Variants in DYSF observed in about 807,000 individuals in gnomAD.
The protein encoded by DYSF is dysferlin, also known as dystrophy-associated fer-1-like 1.
Under a neutral mutation model 274.9 loss-of-function variants are expected in DYSF, and 212 were observed. That is an observed-to-expected ratio of 0.77 (90% CI 0.69 to 0.86). The LOEUF (loss-of-function observed/expected upper bound fraction) is 0.86, where lower values mean the gene tolerates loss of function less well. Ranked by LOEUF, DYSF falls within the 40% of genes least tolerant of loss-of-function variation. The pLI is 0.00. For missense variants in DYSF, 2,666 were observed against 2,783.2 expected, an observed-to-expected ratio of 0.96 and a Z score of 0.95; for synonymous variants, 1,091 against 1,078.7, an observed-to-expected ratio of 1.01 and a Z score of -0.22.
chr2:71,537,554 C>T (rs571881787), intron 16 of DYSF, among the ~76,000 whole-genome samples: 5 of 152,198 alleles, frequency 3.3e-5, no homozygotes, highest in African/African-American at 1.2e-4. Context: ...CTTTTCAGTT[C>T]TTATTAATAT....
chr2:71,478,662 G>A (rs1166112956), intron 1 of DYSF, among the ~76,000 whole-genome samples: 2 of 152,084 alleles, frequency 1.3e-5, no homozygotes, highest in Non-Finnish European at 2.9e-5. Context: ...CAGTGGGAGA[G>A]GGAGTTTGGG....
At chr2:71,551,842 C>A (rs1288677530) in intron 19 of DYSF, 122 bp downstream of exon 19, 4 of 735,808 alleles carry the variant, frequency 5.4e-6, no homozygotes, top group African/African-American at 3.5e-5. Context: ...CGCATCGTGC[C>A]TTTACCTCCC....
chr2:71,605,897 G>A (rs964586155), intron 36 of DYSF, among the ~76,000 whole-genome samples: 10 of 151,886 alleles, frequency 6.6e-5, no homozygotes, highest in South Asian at 2.1e-4. Flanking sequence ...TGTTCCTAAC[G>A]AGCTGGGTGG....
At chr2:71,664,833 T>C (rs1408686551) in intron 46 of DYSF, among the ~76,000 whole-genome samples, 2 of 152,238 alleles carry the variant, frequency 1.3e-5, no homozygotes, top group Admixed American at 6.5e-5. Flanking sequence ...GGGAATTTTG[T>C]GATGGTTTAT....
intron 23 of DYSF, 131 bp from the exon 24 acceptor site, chr2:71,563,927 A>C: frequency 7.7e-7 from 1 of 1,292,820 alleles, no homozygotes. Context: ...CAGGGTGGAC[A>C]GTGTGTGGGA....
chr2:71,675,219 T>C (rs1207950106), intron 52 of DYSF, among the ~76,000 whole-genome samples: 1 of 152,052 alleles, frequency 6.6e-6, no homozygotes, highest in Non-Finnish European at 1.5e-5. Flanking sequence ...GTTCTGGAAT[T>C]AGATGGTGGT....
At chr2:71,660,511 G>A (rs1203373048) in intron 44 of DYSF, 49 bp from the exon 45 acceptor site, 2 of 1,527,258 alleles carry the variant, frequency 1.3e-6, no homozygotes, top group Admixed American at 1.7e-5. Flanking sequence ...AAGCCTCAAA[G>A]ACAGGTTTGG....
intron 16 of DYSF, among the ~76,000 whole-genome samples, chr2:71,535,949 A>C (rs2152762164): frequency 6.6e-6 from 1 of 152,318 alleles, no homozygotes. Flanking sequence ...ATCAGTTCAC[A>C]GATGAGAAGG....
At chr2:71,470,172 C>T (rs1386038448) in intron 1 of DYSF, among the ~76,000 whole-genome samples, 1 of 152,200 alleles carries the variant, frequency 6.6e-6, no homozygotes, top group Non-Finnish European at 1.5e-5. Context: ...GGCGTCTCCT[C>T]CTCCAGCCTC....
chr2:71,625,231 C>G (rs1293946197), intron 41 of DYSF, among the ~76,000 whole-genome samples: 1 of 151,822 alleles, frequency 6.6e-6, no homozygotes, highest in African/African-American at 2.4e-5. Context: ...CACTTTATCT[C>G]TTTCTCTCTC....
At chr2:71,499,296 T>C (rs959299634) in intron 3 of DYSF, among the ~76,000 whole-genome samples, 3 of 152,264 alleles carry the variant, frequency 2.0e-5, no homozygotes, top group Non-Finnish European at 4.4e-5. Context: ...AGATTTTCCA[T>C]GTAAGTGAAT....
chr2:71,488,638 CT>C (rs2083552038), intron 3 of DYSF, among the ~76,000 whole-genome samples: 1 of 152,170 alleles, frequency 6.6e-6, no homozygotes, highest in Admixed American at 6.5e-5. Context: ...CCTGGTCACT[CT>C]ACCCTCCAGC....
At chr2:71,598,458 A>G (rs1348304699) in intron 32 of DYSF, 106 bp from the exon 33 acceptor site, 1 of 1,355,978 alleles carries the variant, frequency 7.4e-7, no homozygotes, top group African/African-American at 1.4e-5. Flanking sequence ...CCAGAGTGGC[A>G]GCCACAACCC....
At chr2:71,534,428 C>T (rs2089084559) in intron 14 of DYSF, among the ~76,000 whole-genome samples, 1 of 152,114 alleles carries the variant, frequency 6.6e-6, no homozygotes, top group South Asian at 2.1e-4. Flanking sequence ...GATCTGGTTT[C>T]CACTCCTGTG....
chr2:71,574,493 T>C (rs2152823447), intron 30 of DYSF, 122 bp downstream of exon 30: 2 of 1,215,836 alleles, frequency 1.6e-6, no homozygotes, highest in East Asian at 4.9e-5. Flanking sequence ...GAACGCTGGC[T>C]GGTCATCCTG....
chr2:71,670,360 G>A (rs2095097849), intron 51 of DYSF, among the ~76,000 whole-genome samples: 1 of 152,226 alleles, frequency 6.6e-6, no homozygotes, highest in Non-Finnish European at 1.5e-5. Context: ...GGGCAGTGGG[G>A]CAGACCCCAT....
intron 14 of DYSF, among the ~76,000 whole-genome samples, chr2:71,529,558 C>T (rs1222482841): frequency 2.0e-5 from 3 of 152,196 alleles, no homozygotes; most frequent in Admixed American, 1.3e-4. Flanking sequence ...CAACAGAGAG[C>T]CATAATGTCA....
intron 41 of DYSF, among the ~76,000 whole-genome samples, chr2:71,628,748 G>A (rs530740878): frequency 1.3e-5 from 2 of 152,058 alleles, no homozygotes; most frequent in East Asian, 3.9e-4. Flanking sequence ...TCAGGAGTTC[G>A]AGACCAACCT....
chr2:71,681,035 A>G lies in DYSF; in HGVS notation c.6098A>G (p.Glu2033Gly). The G allele has an allele frequency of 6.2e-7, 1 of 1,614,184 alleles. No homozygotes were observed. The highest frequency in any genetic ancestry group is 1.3e-5 in the African/African-American group (1 of 75,062). Residue 2033 changes from glutamate to glycine, a missense_variant, in exon 54 of 56, where the codon GAG (glutamate) becomes GGG (glycine). Coordinates refer to ENST00000410020, the MANE Select transcript of DYSF (RefSeq NM_001130987.2). ...GAAATGACCTTGGAGATTGTAGCAG[A>G]GAGTGAGCATGAGGAGCGGCCTGCT... The part of the protein sequence containing the change: ...KLEMTLEIVA[E>G]SEHEERPAGQ...
Sources: gnomAD v4.1 joint callset for allele counts (sites outside exome capture counted in the v4.1 genomes callset) on GRCh38, gnomAD v4.1.1 for gene constraint, MANE v1.5 for transcripts, NCBI Gene and HGNC (gene_info 2026-07-23, HGNC 2026-07-21) for gene names.